The following AGTPBP1 variants were observed in gnomAD, a reference collection of about 807,000 sequenced individuals.
AGTPBP1 encodes cytosolic carboxypeptidase 1.
A neutral mutation model predicts 143.9 loss-of-function variants in AGTPBP1; 70 were observed. The ratio of observed to expected loss-of-function variants is 0.49; its 90% confidence interval spans 0.40 to 0.59. The LOEUF is 0.59. AGTPBP1 is among the 20% of genes least tolerant of loss of function. AGTPBP1 has a pLI of 0.00. For synonymous variants in AGTPBP1, 463 were observed against 500.2 expected (o/e 0.93, Z 0.99); for missense variants, 1,229 against 1,464.5 (o/e 0.84, Z 2.62).
intron 14 of AGTPBP1, among the ~76,000 whole-genome samples, chr9:85,631,522 C>T (rs1372402674): frequency 1.3e-5 from 2 of 152,192 alleles, no homozygotes; most frequent in Non-Finnish European, 2.9e-5. Flanking sequence ...CACATCTTTC[C>T]CAGGGAGGTA....
At chr9:85,628,799 T>C (rs1251724864) in intron 14 of AGTPBP1, among the ~76,000 whole-genome samples, 1 of 152,126 alleles carries the variant, frequency 6.6e-6, no homozygotes, top group South Asian at 2.1e-4. Flanking sequence ...CCGCAACCTC[T>C]GCCTCCTGGG....
chr9:85,575,181 T>C, intron 25 of AGTPBP1, 134 bp downstream of exon 25: 1 of 538,888 alleles, frequency 1.9e-6, no homozygotes, highest in East Asian at 3.3e-5. Flanking sequence ...GGAACAAATA[T>C]TTGATGTATT....
intron 6 of AGTPBP1, among the ~76,000 whole-genome samples, chr9:85,675,753 C>A (rs1010721819): frequency 2.6e-5 from 4 of 152,146 alleles, no homozygotes; most frequent in South Asian, 2.1e-4. Flanking sequence ...CGGCTGGGTG[C>A]GGTGGCTCAC....
the AGTPBP1 span, chr9:85,764,818 G>C: frequency 2.2e-6 from 3 of 1,338,716 alleles, no homozygotes; most frequent in Non-Finnish European, 3.2e-6. Flanking sequence ...AGAAAACAAA[G>C]ATTTCAGAGC....
chr9:85,623,714 G>A (rs1378740262), intron 14 of AGTPBP1, among the ~76,000 whole-genome samples: 2 of 150,652 alleles, frequency 1.3e-5, no homozygotes, highest in African/African-American at 2.4e-5. Context: ...CTGAGATTGT[G>A]CCACTGCACT....
At chr9:85,756,046 A>G in the AGTPBP1 span, 1 of 1,455,280 alleles carries the variant, frequency 6.9e-7, no homozygotes, top group Non-Finnish European at 9.2e-7. Context: ...AGGAAAAACA[A>G]GTAATTTTTT....
chr9:85,781,102 A>G, the AGTPBP1 span: 3 of 1,388,588 alleles, frequency 2.2e-6, no homozygotes, highest in East Asian at 8.5e-5. Context: ...CCTGGGCGAC[A>G]GTGCAAGACT....
the AGTPBP1 span, among the ~76,000 whole-genome samples, chr9:85,794,007 A>T: frequency 3.6e-3 from 543 of 152,280 alleles, 6 homozygotes; most frequent in African/African-American, 0.012. Context: ...AGAGTTGAAG[A>T]CTAAAAGCCC....
intron 25 of AGTPBP1, among the ~76,000 whole-genome samples, chr9:85,548,864 G>A (rs1162488068): frequency 6.6e-6 from 1 of 151,898 alleles, no homozygotes; most frequent in African/African-American, 2.4e-5. Context: ...TAGTAGAGAC[G>A]AGGTTTCACC....
At chr9:85,591,887 G>A (rs547197385) in intron 19 of AGTPBP1, among the ~76,000 whole-genome samples, 1 of 152,088 alleles carries the variant, frequency 6.6e-6, no homozygotes, top group South Asian at 2.1e-4. Flanking sequence ...TAGATATTCT[G>A]TTCTGAGAAT....
intron 1 of AGTPBP1, among the ~76,000 whole-genome samples, chr9:85,729,330 G>C (rs1838726609): frequency 1.3e-5 from 2 of 152,144 alleles, no homozygotes; most frequent in South Asian, 4.1e-4. Context: ...AAAAAGCAAT[G>C]AAGTTCAATA....
intron 24 of AGTPBP1, 125 bp from the exon 25 acceptor site, chr9:85,575,600 T>C: frequency 2.7e-6 from 2 of 735,040 alleles, no homozygotes. Flanking sequence ...GTACTTTGTA[T>C]GGAACTAGGA....
intron 12 of AGTPBP1, 58 bp downstream of exon 12, chr9:85,646,263 T>G: frequency 8.0e-7 from 1 of 1,243,306 alleles, no homozygotes; most frequent in Non-Finnish European, 1.2e-6. Flanking sequence ...CCAATTTTTG[T>G]TTTACAACTG....
chr9:85,788,813 G>T, the AGTPBP1 span, among the ~76,000 whole-genome samples: 1 of 150,302 alleles, frequency 6.7e-6, no homozygotes, highest in Non-Finnish European at 1.5e-5. Flanking sequence ...CATAGATATA[G>T]ATATATATAA....
At chr9:85,792,769 T>C in the AGTPBP1 span, among the ~76,000 whole-genome samples, 73 of 152,332 alleles carry the variant, frequency 4.8e-4, no homozygotes, top group African/African-American at 1.7e-3. Flanking sequence ...AATAAATGCT[T>C]TATCAAATAA....
At chr9:85,759,045 G>C in the AGTPBP1 span, among the ~76,000 whole-genome samples, 1 of 152,136 alleles carries the variant, frequency 6.6e-6, no homozygotes, top group African/African-American at 2.4e-5. Flanking sequence ...TAATGGTAAA[G>C]GGATCAATTC....
In AGTPBP1 at chr9:85,585,537, T is replaced by C; in HGVS notation, c.3091A>G (p.Ser1031Gly). ...GTATGCCACACTGTCTCTTTGATGCTGCAACCATACATAAATACATTCTTC... is the reference window on the plus strand; with the variant it reads ...GTATGCCACACTGTCTCTTTGATGCCGCAACCATACATAAATACATTCTTC... The part of the protein sequence containing the change: ...RKKNVFMYGC[S>G]IKETVWHTND... The change falls in exon 23 of 26, where the codon AGC becomes GGC. Residue 1031 changes from serine (S) to glycine (G), a missense_variant. By Grantham distance (56) the Ser-to-Gly change is moderately conservative. Around this residue, in one of 2 missense-constraint regions of AGTPBP1, gnomAD observed 486 missense variants for 652.3 expected, o/e 0.75. Coordinates refer to ENST00000357081, the MANE Select transcript of AGTPBP1 (RefSeq NM_001330701.2). 1 of 1,611,490 alleles carries C rather than the reference T, an allele frequency of 6.2e-7. No homozygotes were observed. Among genetic ancestry groups the C allele is most frequent in the Non-Finnish European group, 8.5e-7 (1 of 1,178,798 alleles).
At chr9:85,628,455 G>A (rs956171434) in intron 14 of AGTPBP1, among the ~76,000 whole-genome samples, 11 of 152,164 alleles carry the variant, frequency 7.2e-5, no homozygotes, top group Admixed American at 5.9e-4. Context: ...ATTATATGAT[G>A]ATGAGAGACT....
chr9:85,701,970 T>G (rs908714943), intron 2 of AGTPBP1, among the ~76,000 whole-genome samples: 8 of 152,220 alleles, frequency 5.3e-5, no homozygotes, highest in Admixed American at 4.6e-4. Flanking sequence ...GTCTTTGTTG[T>G]CAGAAGCAGC....
Sources: allele counts gnomAD v4.1 joint callset (sites outside exome capture counted in the v4.1 genomes callset), GRCh38; gene constraint gnomAD v4.1.1; regional missense constraint gnomAD v4.1.1; transcripts MANE v1.5; gene names NCBI Gene and HGNC (gene_info 2026-07-23, HGNC 2026-07-21).